SPTLC3: variants seen among roughly 807,000 people sequenced by gnomAD.
The protein encoded by SPTLC3 is serine palmitoyltransferase 3.
In SPTLC3, 36 loss-of-function variants were observed where a neutral mutation model predicts 59.3. The observed-to-expected ratio is 0.61, with a 90% CI of 0.47 to 0.80. The LOEUF (loss-of-function observed/expected upper bound fraction) is 0.80. Among genes scored for constraint, SPTLC3 ranks in the 30% least tolerant of loss-of-function variants. The probability of loss-of-function intolerance (pLI) is 0.00; values close to 1 mark genes in which losing one functional copy is unlikely to be tolerated. For synonymous variants in SPTLC3, 257 were observed against 240.8 expected (o/e 1.07, Z -0.62); for missense variants, 625 against 685.1 (o/e 0.91, Z 0.98).
intron 9 of SPTLC3, among the ~76,000 whole-genome samples, chr20:13,128,848 G>T (rs1175208197): frequency 6.6e-6 from 1 of 150,884 alleles, no homozygotes. Flanking sequence ...GCACCAACAG[G>T]CATGCACCAC....
chr20:13,053,967 C>T (rs926561686), intron 2 of SPTLC3, among the ~76,000 whole-genome samples: 1 of 152,162 alleles, frequency 6.6e-6, no homozygotes, highest in Non-Finnish European at 1.5e-5. Flanking sequence ...AAACACTCTT[C>T]AGGATATTAT....
rs566760267 is a variant in SPTLC3 at position 13,108,649 on chromosome 20, A to C, written c.827-1463A>C. Among the ~76,000 whole-genome samples, 3 of 151,200 alleles carry C rather than the reference A, an allele frequency of 2.0e-5. No individual in the cohort carries two copies. In the South Asian group the frequency reaches 6.3e-4, roughly 32 times the overall value. On this transcript the variant is annotated intron_variant, in intron 6 of 11. Coordinates refer to ENST00000399002, the MANE Select transcript of SPTLC3 (RefSeq NM_018327.4). ...AAGTGCAGTGGTGTGATCTCGGCTC[A>C]CTGCAACATCCGTCTCCTGGGTTCA...
At chr20:13,058,531 A>G (rs563217905) in intron 2 of SPTLC3, among the ~76,000 whole-genome samples, 3 of 152,328 alleles carry the variant, frequency 2.0e-5, no homozygotes, top group Admixed American at 2.0e-4. Context: ...CTTTTCTCAC[A>G]GATATCCTGA....
At chr20:13,139,017 C>T (rs1404994898) in intron 9 of SPTLC3, among the ~76,000 whole-genome samples, 1 of 152,196 alleles carries the variant, frequency 6.6e-6, no homozygotes, top group Non-Finnish European at 1.5e-5. Context: ...AGCTAATCCT[C>T]TCTATCCAAG....
chr20:13,014,991 C>A (rs776734214), intron 1 of SPTLC3, among the ~76,000 whole-genome samples: 5 of 151,992 alleles, frequency 3.3e-5, no homozygotes, highest in African/African-American at 4.8e-5. Context: ...CTTTTATAAC[C>A]ATTTATATGT....
At chr20:13,049,983 A>G (rs1188871226) in intron 2 of SPTLC3, 1 of 152,224 alleles carries the variant, frequency 6.6e-6, no homozygotes, top group Non-Finnish European at 1.5e-5. Flanking sequence ...CCCAAATGAG[A>G]AGGAACCAGA....
intron 4 of SPTLC3, among the ~76,000 whole-genome samples, chr20:13,086,714 G>T (rs1294912183): frequency 2.0e-5 from 3 of 152,114 alleles, no homozygotes; most frequent in African/African-American, 7.2e-5. Context: ...TGTGTCTGGG[G>T]ACTTCAGACC....
intron 1 of SPTLC3, among the ~76,000 whole-genome samples, chr20:13,041,503 A>C (rs1324003522): frequency 2.0e-5 from 3 of 151,996 alleles, no homozygotes; most frequent in Non-Finnish European, 4.4e-5. Context: ...AGACATTGCC[A>C]TCATACCTTC....
intron 1 of SPTLC3, among the ~76,000 whole-genome samples, chr20:13,043,484 T>C (rs1987083891): frequency 6.6e-6 from 1 of 152,218 alleles, no homozygotes; most frequent in South Asian, 2.1e-4. Flanking sequence ...GTTTTAGATT[T>C]GCTCATCCTT....
At chr20:13,163,334 C>T (rs2038931185) in intron 11 of SPTLC3, among the ~76,000 whole-genome samples, 1 of 147,132 alleles carries the variant, frequency 6.8e-6, no homozygotes. Flanking sequence ...TGCCACTGCA[C>T]TCCAGCCTGG....
At chr20:13,054,078 G>T (rs1378352995) in intron 2 of SPTLC3, among the ~76,000 whole-genome samples, 1 of 152,144 alleles carries the variant, frequency 6.6e-6, no homozygotes, top group Admixed American at 6.6e-5. Flanking sequence ...AAATAGTAAG[G>T]CAAAGGGTGA....
chr20:13,018,259 G>A (rs1210279755), intron 1 of SPTLC3, among the ~76,000 whole-genome samples: 10 of 152,174 alleles, frequency 6.6e-5, no homozygotes, highest in Non-Finnish European at 1.5e-4. Context: ...TCCTTAAAAT[G>A]ACTAGAAAAG....
chr20:13,141,931 T>C (rs1158865540), intron 9 of SPTLC3, among the ~76,000 whole-genome samples: 1 of 152,182 alleles, frequency 6.6e-6, no homozygotes, highest in African/African-American at 2.4e-5. Flanking sequence ...AGACATTGCC[T>C]CTCTGCCTTG....
At position 13,032,880 on chromosome 20, in the gene SPTLC3, A is replaced by C. The variant is rs893571215; in HGVS notation, c.118-16065A>C. 1.2e-4 allele frequency among the ~76,000 whole-genome samples: 18 copies of C among 152,246 alleles called. No homozygotes were observed. The South Asian group carries it at 2.1e-3, about 18-fold the overall frequency. ...GGGAAATTAAATTAACCTCTTATGA[A>C]CTGACCTGATTAATCAATAGAAAGA... On this transcript the variant is annotated intron_variant, in intron 1 of 11. Coordinates refer to ENST00000399002, the MANE Select transcript of SPTLC3 (RefSeq NM_018327.4).
At chr20:13,124,784 G>C (rs554911627) in intron 8 of SPTLC3, among the ~76,000 whole-genome samples, 1 of 152,170 alleles carries the variant, frequency 6.6e-6, no homozygotes, top group Non-Finnish European at 1.5e-5. Context: ...ATACCTAAGA[G>C]AGATGGAAAA....
rs190388078 is a variant in SPTLC3, at chr20:13,062,457, T to G, written c.304-9799T>G. Among the ~76,000 whole-genome samples the G allele has an allele frequency of 2.9e-4, 44 of 152,342 alleles. No homozygotes were observed. The East Asian group carries it at 7.9e-3, about 27-fold the overall frequency. On this transcript the variant is annotated intron_variant, in intron 2 of 11. Coordinates refer to ENST00000399002, the MANE Select transcript of SPTLC3 (RefSeq NM_018327.4). ...ATATATATGTACAAGATATATATTTTTATTTGTATAATACAGAAACATATA... is the reference window on the plus strand; with the variant it reads ...ATATATATGTACAAGATATATATTTGTATTTGTATAATACAGAAACATATA...
intron 1 of SPTLC3, among the ~76,000 whole-genome samples, chr20:13,022,174 C>G (rs571751836): frequency 2.0e-5 from 3 of 152,278 alleles, no homozygotes; most frequent in Non-Finnish European, 4.4e-5. Context: ...AACCCTGGTG[C>G]CATTCGTGAC....
Position 13,088,779 on chromosome 20 carries a change from C to T in SPTLC3, c.608-2304C>T, listed in dbSNP as rs373158867. 4.0e-3 allele frequency among the ~76,000 whole-genome samples: 498 copies of T among 124,490 alleles called. 3 individuals are homozygous for T. Among genetic ancestry groups the T allele is most frequent in the African/African-American group, 0.015 (477 of 32,844 alleles). 81.7% of individuals were successfully genotyped at this position (124,490 alleles called of 152,430 possible). On this transcript the variant is annotated intron_variant, in intron 4 of 11. Coordinates refer to ENST00000399002, the MANE Select transcript of SPTLC3 (RefSeq NM_018327.4). ...GATTATAGGCACCCGCCACTGCACC[C>T]GGCTATTTTTTTTTTTTTTTTTTGT...
At chr20:13,085,543 C>A (rs1486580435) in intron 4 of SPTLC3, among the ~76,000 whole-genome samples, 1 of 152,122 alleles carries the variant, frequency 6.6e-6, no homozygotes, top group Non-Finnish European at 1.5e-5. Flanking sequence ...AGTTTATGAA[C>A]AGGACATTCT....
Sources: gnomAD v4.1 joint callset for allele counts (sites outside exome capture counted in the v4.1 genomes callset) on GRCh38, gnomAD v4.1.1 for gene constraint, MANE v1.5 for transcripts, NCBI Gene and HGNC (gene_info 2026-07-23, HGNC 2026-07-21) for gene names.